Variants in IBTK observed in about 807,000 individuals in gnomAD.
IBTK encodes BTK-binding protein.
Under a neutral mutation model 154.9 loss-of-function variants are expected in IBTK, and 83 were observed. The ratio of observed to expected loss-of-function variants is 0.54; its 90% CI spans 0.45 to 0.64. The LOEUF (loss-of-function observed/expected upper bound fraction) is 0.64. Ranked by LOEUF, IBTK falls within the 30% of genes least tolerant of loss-of-function variation. IBTK has a pLI of 0.00. For synonymous variants in IBTK, 515 were observed against 536.1 expected (o/e 0.96, Z 0.54); for missense variants, 1,332 against 1,584.6 (o/e 0.84, Z 2.71).
Position 82,182,989 on chromosome 6 carries a change from G to A in IBTK, c.3576-961C>T, listed in dbSNP as rs114237115. ...GATCCTGAGTCAGAGGCATTCAGCT[G>A]AGATTCCTGACCCAAAGGAATTATG... On this transcript the variant is annotated intron_variant, in intron 25 of 28. Transcript: ENST00000306270. 4.0e-3 allele frequency among the ~76,000 whole-genome samples: 613 copies of A among 152,278 alleles called. 1 individual carries two copies. The highest frequency in any genetic ancestry group is 0.014 in the African/African-American group (577 of 41,554).
At chr6:82,189,331 A>T (rs1300964647) in intron 25 of IBTK, among the ~76,000 whole-genome samples, 1 of 152,168 alleles carries the variant, frequency 6.6e-6, no homozygotes. Flanking sequence ...AGGAGGTAAC[A>T]TAAGAAGATT....
At chr6:82,217,499 T>C (rs990291791) in intron 10 of IBTK, among the ~76,000 whole-genome samples, 11 of 152,132 alleles carry the variant, frequency 7.2e-5, no homozygotes, top group African/African-American at 2.7e-4. Flanking sequence ...TTTAAAACTT[T>C]CCCCTATATC....
intron 4 of IBTK, 41 bp from the exon 5 acceptor site, chr6:82,227,343 A>G (rs1414911225): frequency 2.6e-6 from 3 of 1,156,732 alleles, no homozygotes; most frequent in Admixed American, 4.3e-5. Context: ...TTCTCTGAAT[A>G]AAATATCCTT....
intron 1 of IBTK, among the ~76,000 whole-genome samples, chr6:82,241,938 C>T (rs2127830360): frequency 6.6e-6 from 1 of 152,314 alleles, no homozygotes; most frequent in East Asian, 1.9e-4. Context: ...CCACTTCATA[C>T]CACACCAAAG....
At chr6:82,187,612 T>G (rs1158310267) in intron 25 of IBTK, among the ~76,000 whole-genome samples, 1 of 138,604 alleles carries the variant, frequency 7.2e-6, no homozygotes, top group Non-Finnish European at 1.7e-5. Flanking sequence ...TGTCGCCGAG[T>G]GGACAAAAAG....
rs752980558 is a variant in IBTK at position 82,202,630 on chromosome 6, G to A, written c.2627C>T (p.Ala876Val). ...ALTEKLTLKN[A>V]AMLLEFAAMY... ...TGCTGCAAATTCCAGTAGCATAGCA[G>A]CATTCTTCAGGGTAACTACAAAGAA... is the stretch of plus-strand genomic sequence containing the variant. Residue 876 changes from alanine to valine, a missense_variant, in exon 18 of 29, where the codon GCT (alanine) becomes GTT (valine). Ala to Val is a moderately conservative substitution (Grantham distance 64, BLOSUM62 0). Transcript: ENST00000306270. 4.4e-6 allele frequency: 7 copies of A among 1,590,986 alleles called. 1 individual carries two copies. In the South Asian group the frequency reaches 8.0e-5, roughly 18 times the overall value.
intron 20 of IBTK, 72 bp downstream of exon 20, chr6:82,200,515 G>T: frequency 7.8e-7 from 1 of 1,276,432 alleles, no homozygotes; most frequent in Non-Finnish European, 1.1e-6. Flanking sequence ...TCCAAGATGA[G>T]AGTGAAGGGA....
At position 82,172,423 on chromosome 6, in the gene IBTK, G is replaced by A; in HGVS notation, c.3887C>T (p.Ala1296Val). Residue 1296 changes from alanine to valine, a missense_variant, in exon 28 of 29, where the codon GCA becomes GTA. By Grantham distance (64) the Ala-to-Val change is moderately conservative. Around this residue, in one of 3 missense-constraint regions of IBTK, gnomAD observed 1,134 missense variants for 1,274.7 expected, o/e 0.89. Coordinates refer to ENST00000306270, the MANE Select transcript of IBTK (RefSeq NM_015525.4). Reference protein sequence around the residue: ...SIVEEELQQEAALIRSREKPL... With the variant: ...SIVEEELQQEVALIRSREKPL... Reference sequence around the variant, plus strand: ...TTTTTCTCGACTTCTAATAAGAGCTGCTTCTTGTTGTAGTTCTTCTTCTAC... The same window carrying A: ...TTTTTCTCGACTTCTAATAAGAGCTACTTCTTGTTGTAGTTCTTCTTCTAC... 1 of 1,613,780 alleles carries A rather than the reference G, an allele frequency of 6.2e-7. No homozygotes were observed. Among genetic ancestry groups the A allele is most frequent in the Non-Finnish European group, 8.5e-7 (1 of 1,179,772 alleles).
chr6:82,181,019 A>C (rs1182944761), intron 26 of IBTK, among the ~76,000 whole-genome samples: 1 of 152,170 alleles, frequency 6.6e-6, no homozygotes, highest in Admixed American at 6.5e-5. Context: ...TAAATTATAG[A>C]TAGATTTTGA....
intron 4 of IBTK, among the ~76,000 whole-genome samples, chr6:82,231,233 T>C (rs1402698048): frequency 2.0e-5 from 3 of 152,102 alleles, no homozygotes. Flanking sequence ...GCTTGGAACC[T>C]AAAAACATTA....
In IBTK at chr6:82,170,134, A is replaced by G. The variant is rs1767882966; in HGVS notation, c.*1291T>C. The G allele has an allele frequency of 6.6e-6, 1 of 152,316 alleles. No individual in the cohort carries two copies. The highest frequency in any genetic ancestry group is 2.1e-4 in the South Asian group (1 of 4,834). The allele number at this position is 152,316 out of a possible 1,614,324, so 9.4% of individuals were successfully genotyped here. ...CCGTCTTAGAATAAATACAGCATCA[A>G]CTTAACCATATACTGGCCACTAGTG... is the stretch of plus-strand genomic sequence containing the variant. On this transcript the variant is annotated 3_prime_UTR_variant, in exon 29 of 29. Transcript: ENST00000306270.
intron 23 of IBTK, among the ~76,000 whole-genome samples, chr6:82,193,145 C>A (rs1021017493): frequency 6.6e-6 from 1 of 151,518 alleles, no homozygotes; most frequent in Non-Finnish European, 1.5e-5. Flanking sequence ...GAACCTGTTT[C>A]CTGTACTTTT....
intron 21 of IBTK, among the ~76,000 whole-genome samples, chr6:82,196,967 T>C (rs1582203907): frequency 1.3e-5 from 2 of 152,174 alleles, no homozygotes; most frequent in East Asian, 3.9e-4. Flanking sequence ...GTGGCCTGTT[T>C]GAAGTGTGTT....
chr6:82,244,042 T>G (rs1277713386), intron 1 of IBTK, among the ~76,000 whole-genome samples: 1 of 152,170 alleles, frequency 6.6e-6, no homozygotes, highest in Non-Finnish European at 1.5e-5. Context: ...TATAGCAATG[T>G]CAGCTGTTAT....
Position 82,225,335 on chromosome 6 carries a change from T to A in IBTK, c.825+142A>T, listed in dbSNP as rs533040865. ...AAAAAATAATAATAATAATAATAAA[T>A]AATAAAGACAGTATATACCACTGAA... On this transcript the variant is annotated intron_variant, in intron 6 of 28. Coordinates refer to ENST00000306270, the MANE Select transcript of IBTK (RefSeq NM_015525.4). 1.7e-5 allele frequency: 6 copies of A among 343,860 alleles called. No individual in the cohort carries two copies. The East Asian group carries it at 2.7e-4, about 15-fold the overall frequency. The allele number at this position is 343,860 out of a possible 1,614,324, so 21.3% of individuals were successfully genotyped here.
At chr6:82,172,749 C>T (rs1345150110) in intron 27 of IBTK, 7 of 414,586 alleles carry the variant, frequency 1.7e-5, no homozygotes, top group African/African-American at 1.2e-4. Context: ...CAGTGACCTA[C>T]GATGAGCGAA....
intron 25 of IBTK, among the ~76,000 whole-genome samples, chr6:82,189,237 T>TTAGA (rs1768670490): frequency 1.3e-5 from 2 of 151,818 alleles, no homozygotes; most frequent in Non-Finnish European, 2.9e-5. Flanking sequence ...TACATTATGA[T>TTAGA]ACATTACTGT....
Position 82,214,770 on chromosome 6 carries a change from A to G in IBTK, c.1661T>C (p.Leu554Ser). Residue 554 changes from leucine to serine, a missense_variant, in exon 12 of 29, where the codon TTG becomes TCG. Around this residue, in one of 3 missense-constraint regions of IBTK, gnomAD observed 1,134 missense variants for 1,274.7 expected, o/e 0.89. Coordinates refer to ENST00000306270, the MANE Select transcript of IBTK (RefSeq NM_015525.4). ...GCTGTCCATTTCATCTGCTTCCCTC[A>G]ACAGTTTGCCAAACTCTTCAAAAAA... ...SSFFEEFGKL[L>S]READEMDSIH... The G allele has an allele frequency of 6.2e-7, 1 of 1,613,362 alleles. No individual in the cohort carries two copies. The highest frequency in any genetic ancestry group is 2.2e-5 in the East Asian group (1 of 44,842).
chr6:82,246,608 A>T (rs1771158488), intron 1 of IBTK, among the ~76,000 whole-genome samples: 1 of 152,000 alleles, frequency 6.6e-6, no homozygotes, highest in South Asian at 2.1e-4. Context: ...CGGCCTAAAA[A>T]ATTTCTTGAA....
Sources: gnomAD v4.1 joint callset for allele counts (sites outside exome capture counted in the v4.1 genomes callset) on GRCh38, gnomAD v4.1.1 for gene constraint, gnomAD v4.1.1 regional missense constraint, MANE v1.5 for transcripts, NCBI Gene and HGNC (gene_info 2026-07-23, HGNC 2026-07-21) for gene names.